The following KIAA1217 variants were observed in gnomAD, a reference collection of about 807,000 sequenced individuals.
KIAA1217 encodes the protein KIAA1217.
Under a neutral mutation model 163.9 loss-of-function variants are expected in KIAA1217, and 88 were observed. The ratio of observed to expected loss-of-function variants is 0.54; its 90% CI spans 0.45 to 0.64. The LOEUF is 0.64. KIAA1217 is among the 30% of genes least tolerant of loss of function. The pLI is 0.00. For missense variants in KIAA1217, 2,372 were observed against 2,475.0 expected (o/e 0.96, Z 0.88); for synonymous variants, 903 against 923.1 (o/e 0.98, Z 0.39).
chr10:24,266,743 C>G (rs1437479752), intron 2 of KIAA1217, among the ~76,000 whole-genome samples: 1 of 152,126 alleles, frequency 6.6e-6, no homozygotes, highest in Non-Finnish European at 1.5e-5. Context: ...AAAAAAAGGG[C>G]ATTCTGATAG....
intron 9 of KIAA1217, among the ~76,000 whole-genome samples, chr10:24,504,098 T>C (rs988922564): frequency 6.6e-6 from 1 of 152,202 alleles, no homozygotes; most frequent in Middle Eastern, 3.2e-3. Context: ...TCTGGCCGGC[T>C]GGGAGGGATC....
intron 2 of KIAA1217, among the ~76,000 whole-genome samples, chr10:24,260,605 A>G (rs867875786): frequency 2.0e-3 from 308 of 151,002 alleles, no homozygotes; most frequent in African/African-American, 7.0e-3. Context: ...AAAAAAAAAA[A>G]AAGCCAAGTA....
chr10:24,520,098 T>A lies in KIAA1217; in HGVS notation c.2178-25T>A, dbSNP rs186630147. On this transcript the variant is annotated intron_variant, in intron 10 of 20. Transcript: ENST00000376454. ...CTGTGAGGCCTCGTGTTCAGCTCTA[T>A]GTGCTGGTGTCCTTGCTCCCGCAGC... 275 of 1,610,468 alleles carry A rather than the reference T, an allele frequency of 1.7e-4. No homozygotes were observed. The African/African-American group carries it at 3.2e-3, about 19-fold the overall frequency.
intron 1 of KIAA1217, among the ~76,000 whole-genome samples, chr10:23,838,491 C>T (rs1025524408): frequency 2.0e-5 from 3 of 151,448 alleles, no homozygotes; most frequent in East Asian, 3.9e-4. Flanking sequence ...TGTGGAGTCT[C>T]GCTCTATCGC....
chr10:23,745,897 G>A (rs150119708), intron 1 of KIAA1217, among the ~76,000 whole-genome samples: 120 of 152,256 alleles, frequency 7.9e-4, no homozygotes, highest in Non-Finnish European at 1.3e-3. Flanking sequence ...TAAAGAGAAG[G>A]CTAACCCATA....
intron 2 of KIAA1217, among the ~76,000 whole-genome samples, chr10:24,099,588 A>T (rs1367003197): frequency 4.3e-5 from 6 of 141,160 alleles, no homozygotes; most frequent in South Asian, 2.2e-4. Flanking sequence ...TATATATATT[A>T]TATATATATA....
intron 1 of KIAA1217, among the ~76,000 whole-genome samples, chr10:23,800,716 A>G (rs1032731001): frequency 6.6e-6 from 1 of 152,154 alleles, no homozygotes; most frequent in Non-Finnish European, 1.5e-5. Context: ...AAGCAAACAT[A>G]TGAAAAAAAC....
chr10:23,735,318 C>T (rs1425744392), intron 1 of KIAA1217, among the ~76,000 whole-genome samples: 3 of 152,034 alleles, frequency 2.0e-5, no homozygotes, highest in African/African-American at 4.8e-5. Context: ...ACTGCAACCT[C>T]CACCTCCCGA....
chr10:24,535,448 CACTA>C (rs1475017521), intron 16 of KIAA1217, among the ~76,000 whole-genome samples: 2 of 152,146 alleles, frequency 1.3e-5, no homozygotes, highest in African/African-American at 4.8e-5. Flanking sequence ...ATAAAGAAAA[CACTA>C]GGCAATTATT....
chr10:24,133,128 A>C (rs900944357), intron 2 of KIAA1217, among the ~76,000 whole-genome samples: 1 of 152,046 alleles, frequency 6.6e-6, no homozygotes, highest in Non-Finnish European at 1.5e-5. Flanking sequence ...CTAGATCCCT[A>C]GGGGCTGAGA....
chr10:23,874,162 G>A (rs573538708), intron 1 of KIAA1217, among the ~76,000 whole-genome samples: 16 of 152,072 alleles, frequency 1.1e-4, no homozygotes, highest in African/African-American at 2.9e-4. Context: ...CTCATGGTTA[G>A]CTATCACACC....
chr10:24,317,481 G>A (rs1590908076), intron 2 of KIAA1217, among the ~76,000 whole-genome samples: 3 of 152,204 alleles, frequency 2.0e-5, no homozygotes, highest in African/African-American at 7.2e-5. Context: ...CTTCAAAGGA[G>A]TGTCACGATG....
chr10:23,843,835 A>G (rs529867198), intron 1 of KIAA1217, among the ~76,000 whole-genome samples: 6 of 152,294 alleles, frequency 3.9e-5, no homozygotes, highest in African/African-American at 1.2e-4. Context: ...CTAACCAGGC[A>G]AACTTGGTTA....
intron 3 of KIAA1217, among the ~76,000 whole-genome samples, chr10:24,398,374 A>G (rs2056106916): frequency 6.6e-6 from 1 of 152,198 alleles, no homozygotes; most frequent in African/African-American, 2.4e-5. Flanking sequence ...CAGAAGCAAA[A>G]GGAAATCCAC....
chr10:24,184,951 T>A (rs184389064), intron 2 of KIAA1217, among the ~76,000 whole-genome samples: 1 of 152,320 alleles, frequency 6.6e-6, no homozygotes, highest in East Asian at 1.9e-4. Flanking sequence ...GTATGGTATC[T>A]AATATAGGTA....
intron 1 of KIAA1217, among the ~76,000 whole-genome samples, chr10:23,818,351 A>AAAAT (rs374977941): frequency 5.6e-4 from 76 of 134,884 alleles, no homozygotes; most frequent in South Asian, 2.7e-3. Context: ...TATATAAAAA[A>AAAAT]ATATATATAT....
intron 1 of KIAA1217, among the ~76,000 whole-genome samples, chr10:23,832,426 CT>C (rs1337249010): frequency 1.3e-5 from 2 of 152,168 alleles, no homozygotes; most frequent in African/African-American, 4.8e-5. Context: ...CCTGTCCTTT[CT>C]GGATTTTATG....
At chr10:24,266,399 T>A (rs137954003) in intron 2 of KIAA1217, among the ~76,000 whole-genome samples, 1 of 152,294 alleles carries the variant, frequency 6.6e-6, no homozygotes, top group African/African-American at 2.4e-5. Context: ...TCATTTTTTA[T>A]CAGTTGTCCA....
intron 4 of KIAA1217, among the ~76,000 whole-genome samples, 196 bp from the exon 5 acceptor site, chr10:24,438,190 C>T: frequency 6.6e-6 from 1 of 152,020 alleles, no homozygotes; most frequent in East Asian, 1.9e-4. Flanking sequence ...GAGAGAAAAG[C>T]TGAAGTCATT....
Sources: allele counts gnomAD v4.1 joint callset (sites outside exome capture counted in the v4.1 genomes callset), GRCh38; gene constraint gnomAD v4.1.1; transcripts MANE v1.5; gene names NCBI Gene and HGNC (gene_info 2026-07-23, HGNC 2026-07-21).